Variants in PCDHA10 observed in about 807,000 individuals in gnomAD.
PCDHA10 encodes protocadherin alpha-10.
A neutral mutation model predicts 61.2 loss-of-function variants in PCDHA10; 45 were observed. The ratio of observed to expected loss-of-function variants is 0.74; its 90% CI spans 0.58 to 0.94. The LOEUF (loss-of-function observed/expected upper bound fraction) is 0.94. PCDHA10 is among the 40% of genes least tolerant of loss of function. PCDHA10 has a pLI of 0.00. For missense variants in PCDHA10, 1,278 were observed against 1,236.2 expected (o/e 1.03, Z -0.51); for synonymous variants, 602 against 548.8 (o/e 1.10, Z -1.35).
intron 1 of PCDHA10, chr5:140,861,156 A>T (rs782717452): frequency 6.5e-6 from 1 of 154,840 alleles, no homozygotes; most frequent in Non-Finnish European, 1.4e-5. Context: ...ACAAGGACCA[A>T]AAGGTCTCAG....
intron 1 of PCDHA10, chr5:140,869,830 G>A: frequency 1.2e-6 from 2 of 1,611,658 alleles, no homozygotes; most frequent in Non-Finnish European, 1.7e-6. Flanking sequence ...TCCAGAGTTT[G>A]ATAAATCAGA....
At chr5:140,947,610 C>T (rs989640335) in intron 1 of PCDHA10, among the ~76,000 whole-genome samples, 3 of 151,562 alleles carry the variant, frequency 2.0e-5, no homozygotes, top group South Asian at 2.1e-4. Flanking sequence ...GATTTGGTAT[C>T]TTAACAATAT....
intron 3 of PCDHA10, among the ~76,000 whole-genome samples, chr5:141,005,808 C>T (rs2153985730): frequency 6.6e-6 from 1 of 150,460 alleles, no homozygotes; most frequent in African/African-American, 2.5e-5. Context: ...CTCCAAGGAG[C>T]CAGGTATGGT....
At chr5:140,925,671 A>AATAATAATAATAATAATG (rs1445697337) in intron 1 of PCDHA10, among the ~76,000 whole-genome samples, 3 of 148,150 alleles carry the variant, frequency 2.0e-5, no homozygotes, top group African/African-American at 7.5e-5. Flanking sequence ...TAATAATAAT[A>AATAATAATAATAATAATG]ATAATAAAGC....
At position 140,924,955 on chromosome 5, in the gene PCDHA10, T is replaced by C. The variant is rs571597374; in HGVS notation, c.2389-53994T>C. Among the ~76,000 whole-genome samples, 96 of 145,332 alleles carry C rather than the reference T, an allele frequency of 6.6e-4. 1 individual carries two copies. The South Asian group carries it at 0.02, about 30-fold the overall frequency. The stretch of plus-strand genomic sequence containing the variant: ...ATAAAATAAAAAGTTAAAAAAAAAA[T>C]GCAAGGTGAGTGCAGTGGCTCATGT... On this transcript the variant is annotated intron_variant, in intron 1 of 3. Transcript: ENST00000307360.
intron 1 of PCDHA10, among the ~76,000 whole-genome samples, chr5:140,913,995 A>T (rs541070374): frequency 6.6e-6 from 1 of 152,288 alleles, no homozygotes; most frequent in Admixed American, 6.5e-5. Context: ...TGTGACTAGC[A>T]TATGGTCTAT....
intron 1 of PCDHA10, among the ~76,000 whole-genome samples, chr5:140,922,731 T>A (rs59295733): frequency 0.057 from 8,631 of 152,032 alleles, 722 homozygotes; most frequent in African/African-American, 0.19. Flanking sequence ...CTTGACAAGG[T>A]TGAGAAAAAT....
At chr5:140,935,760 T>C (rs1320272382) in intron 1 of PCDHA10, among the ~76,000 whole-genome samples, 1 of 152,152 alleles carries the variant, frequency 6.6e-6, no homozygotes, top group Non-Finnish European at 1.5e-5. Flanking sequence ...TACACATTCT[T>C]CCCCACTTTG....
intron 1 of PCDHA10, chr5:140,926,673 A>T (rs998903830): frequency 2.1e-5 from 12 of 580,470 alleles, no homozygotes; most frequent in Non-Finnish European, 3.2e-5. Flanking sequence ...ACGGCTGCCC[A>T]GCCTCCAGCC....
intron 1 of PCDHA10, among the ~76,000 whole-genome samples, chr5:140,957,190 A>G (rs2153712685): frequency 6.6e-6 from 1 of 152,294 alleles, no homozygotes; most frequent in South Asian, 2.1e-4. Context: ...TTGATGACCG[A>G]TTGGGAATAT....
intron 1 of PCDHA10, among the ~76,000 whole-genome samples, chr5:140,972,693 C>A (rs1358194667): frequency 2.3e-5 from 3 of 130,312 alleles, no homozygotes; most frequent in East Asian, 4.7e-4. Flanking sequence ...GAGATGGAGT[C>A]TCACTCTGTT....
In PCDHA10 at chr5:140,857,097, T is replaced by A; in HGVS notation, c.1049T>A (p.Ile350Asn). 6.3e-7 allele frequency: 1 copy of A among 1,597,284 alleles called. No homozygotes were observed. The highest frequency in any genetic ancestry group is 1.1e-5 in the South Asian group (1 of 90,502). Residue 350 changes from isoleucine to asparagine, a missense_variant, in exon 1 of 4, where the codon ATT becomes AAT. Coordinates refer to ENST00000307360, the MANE Select transcript of PCDHA10 (RefSeq NM_018901.4). Reference protein sequence around the residue: ...LDENDNSPEVIVTSLSLPVKE... With the variant: ...LDENDNSPEVNVTSLSLPVKE... ...GAAAATGATAATTCACCTGAGGTGA[T>A]TGTCACTTCTCTGTCTCTCCCAGTG...
intron 1 of PCDHA10, among the ~76,000 whole-genome samples, chr5:140,893,847 C>T (rs962788536): frequency 6.6e-6 from 1 of 152,134 alleles, no homozygotes; most frequent in African/African-American, 2.4e-5. Flanking sequence ...TGATGCCCTA[C>T]CTCTTGTATA....
chr5:140,929,697 T>G (rs2086305900), intron 1 of PCDHA10: 1 of 266,272 alleles, frequency 3.8e-6, no homozygotes, highest in African/African-American at 2.2e-5. Flanking sequence ...CTGCTTTATA[T>G]GAATATAATA....
intron 1 of PCDHA10, 53 bp from the exon 2 acceptor site, chr5:140,978,895 TG>T: frequency 6.2e-7 from 1 of 1,612,992 alleles, no homozygotes; most frequent in Non-Finnish European, 8.5e-7. Context: ...GCAGCATTCC[TG>T]GGAGAACATT....
chr5:140,909,268 A>C (rs946921668), intron 1 of PCDHA10, among the ~76,000 whole-genome samples: 1 of 152,240 alleles, frequency 6.6e-6, no homozygotes. Context: ...ACTGAAGGCA[A>C]ATTGCTTCTG....
chr5:140,900,257 T>G (rs1184928608), intron 1 of PCDHA10, among the ~76,000 whole-genome samples: 3 of 152,108 alleles, frequency 2.0e-5, no homozygotes, highest in Admixed American at 6.6e-5. Context: ...TGAATAGTAC[T>G]CCATTGTGTA....
intron 1 of PCDHA10, chr5:140,877,684 A>G (rs1247391418): frequency 1.9e-6 from 3 of 1,613,650 alleles, no homozygotes; most frequent in Non-Finnish European, 2.5e-6. Flanking sequence ...GGGCAAGCCC[A>G]CGCTGGTGTG....
At position 140,857,626 on chromosome 5, in the gene PCDHA10, G is replaced by T; in HGVS notation, c.1578G>T (p.Glu526Asp). 1 of 1,596,672 alleles carries T rather than the reference G, an allele frequency of 6.3e-7. No homozygotes were observed. The highest frequency in any genetic ancestry group is 8.6e-7 in the Non-Finnish European group (1 of 1,167,744). Residue 526 changes from glutamate (E) to aspartate (D), a missense_variant, in exon 1 of 4, where the codon GAG becomes GAT. Transcript: ENST00000307360. Reference sequence around the variant, plus strand: ...CGCTGCAGCCGCTGGACCACGAGGAGCTGGAGCTGCTACAGTTCCAGGTGA... The same window carrying T: ...CGCTGCAGCCGCTGGACCACGAGGATCTGGAGCTGCTACAGTTCCAGGTGA... ...VYALQPLDHE[E>D]LELLQFQVSA...
Sources: allele counts gnomAD v4.1 joint callset (sites outside exome capture counted in the v4.1 genomes callset), GRCh38; gene constraint gnomAD v4.1.1; transcripts MANE v1.5; gene names NCBI Gene and HGNC (gene_info 2026-07-23, HGNC 2026-07-21).